TMEM144: variants seen among roughly 807,000 people sequenced by gnomAD.
TMEM144 encodes transmembrane protein 144.
In TMEM144, 39 loss-of-function variants were observed where a neutral mutation model predicts 43.6. The observed-to-expected ratio is 0.90, with a 90% confidence interval of 0.69 to 1.17. The LOEUF is 1.17. Ranked by LOEUF, TMEM144 falls within the 50% of genes most tolerant of loss-of-function variation. The probability of loss-of-function intolerance (pLI) is 0.00; values close to 1 mark genes in which losing one functional copy is unlikely to be tolerated. For missense variants in TMEM144, 417 were observed against 411.9 expected (o/e 1.01, Z -0.11); for synonymous variants, 154 against 133.6 (o/e 1.15, Z -1.06).
At chr4:158,250,588 G>C (rs552882111) in intron 12 of TMEM144, among the ~76,000 whole-genome samples, 1 of 152,232 alleles carries the variant, frequency 6.6e-6, no homozygotes, top group South Asian at 2.1e-4. Context: ...AAGCTGACCT[G>C]GCTGCAAGGC....
At chr4:158,234,453 T>C (rs1735235560) in intron 7 of TMEM144, 1 of 150,832 alleles carries the variant, frequency 6.6e-6, no homozygotes. Flanking sequence ...GGCAGGAGAA[T>C]CACTTGAACC....
intron 6 of TMEM144, among the ~76,000 whole-genome samples, chr4:158,222,729 A>T (rs1001359544): frequency 1.3e-5 from 2 of 152,222 alleles, no homozygotes; most frequent in Non-Finnish European, 2.9e-5. Context: ...CACATAATTG[A>T]TGCTTAGTAA....
In TMEM144 at chr4:158,254,245, C is replaced by T. The variant is rs1736360961; in HGVS notation, c.*718C>T. The T allele has an allele frequency of 1.3e-5, 2 of 152,064 alleles. No homozygotes were observed. The highest frequency in any genetic ancestry group is 2.9e-5 in the Non-Finnish European group (2 of 68,024). The allele number at this position is 152,064 out of a possible 1,614,324, so 9.4% of individuals were successfully genotyped here. ...AAGTATATTCACGTACATAAATACA[C>T]ACAGATATGTTGCTAAAGTGAGATT... On this transcript the variant is annotated 3_prime_UTR_variant, in exon 13 of 13. Coordinates refer to ENST00000296529, the MANE Select transcript of TMEM144 (RefSeq NM_018342.5).
At chr4:158,230,294 G>A (rs560542239) in intron 6 of TMEM144, among the ~76,000 whole-genome samples, 7 of 152,268 alleles carry the variant, frequency 4.6e-5, no homozygotes, top group East Asian at 1.9e-4. Flanking sequence ...CTTCCTGACC[G>A]TTATTATGTC....
intron 6 of TMEM144, among the ~76,000 whole-genome samples, chr4:158,228,068 A>G (rs1734865599): frequency 6.6e-6 from 1 of 152,164 alleles, no homozygotes; most frequent in Admixed American, 6.5e-5. Flanking sequence ...CAAAACCAAA[A>G]TCAGAGTATC....
intron 6 of TMEM144, among the ~76,000 whole-genome samples, chr4:158,230,880 G>A (rs1735046106): frequency 6.6e-6 from 1 of 152,000 alleles, no homozygotes; most frequent in South Asian, 2.1e-4. Context: ...TTTAATCAAA[G>A]TTCTGCATGA....
At chr4:158,215,393 C>T (rs1018046728) in intron 4 of TMEM144, 80 bp downstream of exon 4, 34 of 1,505,918 alleles carry the variant, frequency 2.3e-5, no homozygotes, top group Middle Eastern at 1.8e-4. Flanking sequence ...GAGGAAATAG[C>T]GCAAACAGTG....
At chr4:158,238,291 G>T (rs1735456488) in intron 9 of TMEM144, among the ~76,000 whole-genome samples, 1 of 152,134 alleles carries the variant, frequency 6.6e-6, no homozygotes, top group Non-Finnish European at 1.5e-5. Flanking sequence ...AAATCAGATG[G>T]CACAGAAAAT....
intron 6 of TMEM144, among the ~76,000 whole-genome samples, chr4:158,221,115 T>A (rs1351608547): frequency 6.6e-6 from 1 of 152,212 alleles, no homozygotes; most frequent in Non-Finnish European, 1.5e-5. Context: ...AAAGGTTGGT[T>A]AATTTCTAGT....
At chr4:158,234,778 G>C (rs1390147121) in intron 7 of TMEM144, 1 of 152,272 alleles carries the variant, frequency 6.6e-6, no homozygotes, top group East Asian at 1.9e-4. Flanking sequence ...AGGTGAGATG[G>C]AGAAGGACGA....
intron 6 of TMEM144, among the ~76,000 whole-genome samples, chr4:158,231,213 G>A (rs963645253): frequency 2.0e-5 from 3 of 152,124 alleles, no homozygotes; most frequent in Non-Finnish European, 4.4e-5. Flanking sequence ...AACTGATCTA[G>A]GTTTCATGGC....
chr4:158,238,721 G>A (rs1735480940), intron 9 of TMEM144, among the ~76,000 whole-genome samples: 1 of 152,102 alleles, frequency 6.6e-6, no homozygotes. Context: ...GTAGGCACAA[G>A]GGAAATCAGA....
chr4:158,210,588 T>C lies in TMEM144; in HGVS notation c.-183+2T>C, dbSNP rs1463511932. 1.3e-5 allele frequency: 2 copies of C among 152,218 alleles called. No homozygotes were observed. Among genetic ancestry groups the C allele is most frequent in the Non-Finnish European group, 1.5e-5 (1 of 68,058 alleles). The allele number at this position is 152,218 out of a possible 1,614,324, so 9.4% of individuals were successfully genotyped here. The stretch of plus-strand genomic sequence containing the variant: ...CTTCAGCCGCCAGCCCGGAACGCAG[T>C]GAGTACAGCCACTCAAAGGAAAGCC... On this transcript the variant is annotated splice_donor_variant, in intron 1 of 12. Transcript: ENST00000296529. LOFTEE classifies it low-confidence loss of function (5UTR_SPLICE).
At chr4:158,226,230 T>G (rs1210248221) in intron 6 of TMEM144, among the ~76,000 whole-genome samples, 2 of 152,356 alleles carry the variant, frequency 1.3e-5, no homozygotes, top group Non-Finnish European at 2.9e-5. Context: ...ACCTTTATAT[T>G]AGTGTGTTAT....
At chr4:158,228,031 C>A (rs1455854733) in intron 6 of TMEM144, among the ~76,000 whole-genome samples, 2 of 152,186 alleles carry the variant, frequency 1.3e-5, no homozygotes, top group Non-Finnish European at 2.9e-5. Context: ...CACACACACA[C>A]TTTTGCAGTT....
intron 12 of TMEM144, among the ~76,000 whole-genome samples, chr4:158,248,531 CTCT>C (rs1455920411): frequency 2.0e-5 from 3 of 152,212 alleles, no homozygotes; most frequent in African/African-American, 7.2e-5. Flanking sequence ...ACCTAATTGC[CTCT>C]TGACAGCTGA....
At position 158,240,421 on chromosome 4, in the gene TMEM144, A is replaced by T. The variant is rs753114514; in HGVS notation, c.802+3A>T. 7 of 1,603,792 alleles carry T rather than the reference A, an allele frequency of 4.4e-6. No individual in the cohort carries two copies. In the South Asian group the frequency reaches 7.9e-5, roughly 18 times the overall value. The stretch of plus-strand genomic sequence containing the variant: ...ATATCCTGAAGCAGTCCTACCAGGT[A>T]AGAATATGTACTACAGATCTTCTTA... On this transcript the variant is annotated splice_donor_region_variant and intron_variant, in intron 10 of 12. Coordinates refer to ENST00000296529, the MANE Select transcript of TMEM144 (RefSeq NM_018342.5).
At chr4:158,247,544 G>A (rs1284811690) in intron 12 of TMEM144, among the ~76,000 whole-genome samples, 1 of 151,942 alleles carries the variant, frequency 6.6e-6, no homozygotes, top group South Asian at 2.1e-4. Flanking sequence ...AGATCATTTA[G>A]TAAGGCTTGA....
intron 6 of TMEM144, among the ~76,000 whole-genome samples, chr4:158,229,952 C>T (rs552949154): frequency 2.0e-5 from 1 of 49,330 alleles, no homozygotes; most frequent in Non-Finnish European, 5.9e-5. Context: ...GTGCTGGCTG[C>T]TGCCCCTTCC....
Sources: gnomAD v4.1 joint callset for allele counts (sites outside exome capture counted in the v4.1 genomes callset) on GRCh38, gnomAD v4.1.1 for gene constraint, MANE v1.5 for transcripts, NCBI Gene and HGNC (gene_info 2026-07-23, HGNC 2026-07-21) for gene names.